Variants in GOLIM4 observed in about 807,000 individuals in gnomAD.
GOLIM4 encodes the protein 130 kDa golgi-localized phosphoprotein.
A neutral mutation model predicts 107.4 loss-of-function variants in GOLIM4; 71 were observed. The observed-to-expected ratio is 0.66, with a 90% CI of 0.55 to 0.81. The LOEUF (loss-of-function observed/expected upper bound fraction) is 0.81, where lower values mean the gene tolerates loss of function less well. GOLIM4 is among the 30% of genes least tolerant of loss of function. The pLI is 0.00. For synonymous variants in GOLIM4, 327 were observed against 294.8 expected, an observed-to-expected ratio of 1.11 and a Z score of -1.12; for missense variants, 830 against 826.1, an observed-to-expected ratio of 1.00 and a Z score of -0.06.
rs73176810 is a variant in GOLIM4 at position 168,089,676 on chromosome 3, C to T, written c.187+5423G>A. Among the ~76,000 whole-genome samples the T allele has an allele frequency of 2.6e-3, 390 of 151,962 alleles. 1 individual carries two copies. Among genetic ancestry groups the T allele is most frequent in the Non-Finnish European group, 4.9e-3 (333 of 67,962 alleles). On this transcript the variant is annotated intron_variant, in intron 1 of 15. Transcript: ENST00000470487. ...CACCATATATATGCACATTAATAGG[C>T]CAAGAAAAAGTACTACATAGGTACT...
intron 1 of GOLIM4, among the ~76,000 whole-genome samples, chr3:168,053,950 C>T (rs1719791810): frequency 6.6e-6 from 1 of 152,186 alleles, no homozygotes; most frequent in Non-Finnish European, 1.5e-5. Flanking sequence ...TTAAGGCTGA[C>T]ACAGGACTCT....
chr3:168,056,261 C>A (rs1173095838), intron 1 of GOLIM4, among the ~76,000 whole-genome samples: 2 of 152,224 alleles, frequency 1.3e-5, no homozygotes. Context: ...CCTGTGGGTG[C>A]ACAGAAGTCA....
intron 7 of GOLIM4, among the ~76,000 whole-genome samples, chr3:168,038,361 A>G (rs1718777458): frequency 6.6e-6 from 1 of 152,184 alleles, no homozygotes; most frequent in African/African-American, 2.4e-5. Flanking sequence ...TGTGTTGCAC[A>G]ATTAGGGACC....
At chr3:168,066,442 C>A (rs543319148) in intron 1 of GOLIM4, among the ~76,000 whole-genome samples, 1 of 152,212 alleles carries the variant, frequency 6.6e-6, no homozygotes, top group East Asian at 1.9e-4. Context: ...GACATTTTAC[C>A]TTTATTTGCT....
At position 168,029,979 on chromosome 3, in the gene GOLIM4, C is replaced by T. The variant is rs1016446967; in HGVS notation, c.1234G>A (p.Glu412Lys). The change falls in exon 10 of 16, where the codon GAA becomes AAA. Residue 412 changes from glutamate to lysine, a missense_variant. Glu to Lys is a moderately conservative substitution (Grantham distance 56, BLOSUM62 1). Coordinates refer to ENST00000470487, the MANE Select transcript of GOLIM4 (RefSeq NM_014498.5). ...TGCTGCACTGCCAGTCTCTGCTGTT[C>T]CAACTGTTCCTCATAGGGTGATTGG... ...KFQSPYEEQL[E>K]QQRLAVQQVE... The T allele has an allele frequency of 3.7e-5, 60 of 1,614,066 alleles. No homozygotes were observed. The highest frequency in any genetic ancestry group is 4.6e-5 in the Non-Finnish European group (54 of 1,180,020).
rs1280935117 is a variant in GOLIM4 at position 168,032,535 on chromosome 3, C to G, written c.1161G>C (p.Gly387=). The change falls in exon 9 of 16, where the codon GGG becomes GGC. Residue 387 remains glycine, a synonymous_variant. Coordinates refer to ENST00000470487, the MANE Select transcript of GOLIM4 (RefSeq NM_014498.5). The stretch of plus-strand genomic sequence containing the variant: ...GACTTCATACCTCAGCACGCGCGTG[C>G]CCTTCCAGGAGGTTGGCTGCTTCTC... The part of the protein sequence containing the change: ...EQREAANLLE[G]HARAEVYPSA... The G allele has an allele frequency of 1.9e-6, 3 of 1,613,768 alleles. No individual in the cohort carries two copies. Among genetic ancestry groups the G allele is most frequent in the Non-Finnish European group, 2.5e-6 (3 of 1,179,840 alleles).
intron 14 of GOLIM4, among the ~76,000 whole-genome samples, chr3:168,014,658 G>A (rs1205253540): frequency 7.1e-6 from 1 of 141,180 alleles, no homozygotes; most frequent in Non-Finnish European, 1.5e-5. Context: ...CTGGCAAAAC[G>A]AATACAGCAG....
chr3:168,040,634 AT>A (rs1294657554), intron 7 of GOLIM4, 151 bp downstream of exon 7: 2 of 519,004 alleles, frequency 3.9e-6, no homozygotes, highest in Non-Finnish European at 6.9e-6. Context: ...TACTGATTGA[AT>A]TTTGAAAGCA....
At chr3:168,079,818 T>A (rs1038792140) in intron 1 of GOLIM4, among the ~76,000 whole-genome samples, 4 of 152,122 alleles carry the variant, frequency 2.6e-5, no homozygotes, top group Admixed American at 2.6e-4. Flanking sequence ...TTTTACACTA[T>A]ATTTTAATAT....
chr3:168,018,475 A>G lies in GOLIM4; in HGVS notation c.1860+6051T>C, dbSNP rs376807514. 3.8e-4 allele frequency among the ~76,000 whole-genome samples: 58 copies of G among 152,298 alleles called. No individual in the cohort carries two copies. In the South Asian group the frequency reaches 0.01, roughly 27 times the overall value. On this transcript the variant is annotated intron_variant, in intron 14 of 15. Transcript: ENST00000470487. ...AACGCCAGTTTGACCCACAGCCTCT[A>G]AACTAACCTCAAAATAAATACATTT...
chr3:168,032,782 T>C lies in GOLIM4; in HGVS notation c.914A>G (p.Tyr305Cys), dbSNP rs1364514152. Residue 305 changes from tyrosine to cysteine, a missense_variant, in exon 9 of 16, where the codon TAT (tyrosine) becomes TGT (cysteine). Coordinates refer to ENST00000470487, the MANE Select transcript of GOLIM4 (RefSeq NM_014498.5). ...TTCTGCCTCCTTATGGGTGGGAGCA[T>C]AGAGTTTTGTGTCTTCTGCTCTTCC... ...VPGRAEDTKL[Y>C]APTHKEAEFQ... 1 of 1,613,902 alleles carries C rather than the reference T, an allele frequency of 6.2e-7. No homozygotes were observed. Among genetic ancestry groups the C allele is most frequent in the Non-Finnish European group, 8.5e-7 (1 of 1,179,940 alleles).
Position 168,032,653 on chromosome 3 carries a change from AT to A in GOLIM4, c.1042del (p.Met348TrpfsTer53). On this transcript the variant is annotated frameshift_variant, in exon 9 of 16. Coordinates refer to ENST00000470487, the MANE Select transcript of GOLIM4 (RefSeq NM_014498.5). LOFTEE classifies it high-confidence loss of function. The stretch of plus-strand genomic sequence containing the variant: ...ATGTTCTGCTTGCCCGACCTGCTCC[AT>A]TTCTTCCTCCTCCAGGGCCTTTCTG... ...EHRKALEEEE[M>X]EQVGQAEHLE... 1 of 1,613,544 alleles carries A rather than the reference AT, an allele frequency of 6.2e-7. No individual in the cohort carries two copies. Among genetic ancestry groups the A allele is most frequent in the Non-Finnish European group, 8.5e-7 (1 of 1,179,932 alleles).
chr3:168,031,229 T>C (rs1718320687), intron 9 of GOLIM4, among the ~76,000 whole-genome samples: 1 of 152,100 alleles, frequency 6.6e-6, no homozygotes, highest in Admixed American at 6.5e-5. Flanking sequence ...TACAAACATA[T>C]AGTTAGAGAG....
At chr3:168,047,318 G>T (rs1719359691) in intron 2 of GOLIM4, among the ~76,000 whole-genome samples, 1 of 152,148 alleles carries the variant, frequency 6.6e-6, no homozygotes, top group East Asian at 1.9e-4. Context: ...GAGCACATCT[G>T]AAGACAAAGG....
chr3:168,088,243 A>C (rs547693553), intron 1 of GOLIM4, among the ~76,000 whole-genome samples: 13 of 152,306 alleles, frequency 8.5e-5, no homozygotes, highest in Non-Finnish European at 1.5e-4. Context: ...CTTAATCAAA[A>C]AGTTTCAGCC....
intron 8 of GOLIM4, among the ~76,000 whole-genome samples, chr3:168,033,117 A>G (rs931433789): frequency 1.3e-5 from 2 of 152,208 alleles, no homozygotes; most frequent in African/African-American, 4.8e-5. Flanking sequence ...CAAGTAACCA[A>G]TATCTCAGAA....
intron 1 of GOLIM4, among the ~76,000 whole-genome samples, chr3:168,052,661 T>A (rs1469110570): frequency 2.0e-5 from 3 of 152,138 alleles, no homozygotes; most frequent in Non-Finnish European, 4.4e-5. Context: ...GCACTACCTT[T>A]CTTTCTTTTA....
chr3:168,071,264 C>T lies in GOLIM4; in HGVS notation c.188-22899G>A, dbSNP rs138463294. Among the ~76,000 whole-genome samples, 13 of 152,294 alleles carry T rather than the reference C, an allele frequency of 8.5e-5. No individual in the cohort carries two copies. The East Asian group carries it at 1.4e-3, about 16-fold the overall frequency. Reference sequence around the variant, plus strand: ...TCAAGTTCCTTCTATCTTTTACTACCTTGTCACTTTGGACACATAACCTTT... The same window carrying T: ...TCAAGTTCCTTCTATCTTTTACTACTTTGTCACTTTGGACACATAACCTTT... On this transcript the variant is annotated intron_variant, in intron 1 of 15. Coordinates refer to ENST00000470487, the MANE Select transcript of GOLIM4 (RefSeq NM_014498.5).
chr3:168,095,027 G>A (rs555604418), intron 1 of GOLIM4, 72 bp downstream of exon 1: 2 of 1,230,806 alleles, frequency 1.6e-6, no homozygotes, highest in South Asian at 1.4e-5. Context: ...GCTCACCAAA[G>A]CCACTTTTCC....
Sources: gnomAD v4.1 joint callset for allele counts (sites outside exome capture counted in the v4.1 genomes callset) on GRCh38, gnomAD v4.1.1 for gene constraint, MANE v1.5 for transcripts, NCBI Gene and HGNC (gene_info 2026-07-23, HGNC 2026-07-21) for gene names.